FNIP2: variants seen among roughly 807,000 people sequenced by gnomAD.
The protein encoded by FNIP2 is folliculin interacting protein 2.
FNIP2 carries 32 observed loss-of-function variants against 108.7 expected under a neutral mutation model. The observed-to-expected ratio is 0.29, with a 90% CI of 0.22 to 0.40. The LOEUF (loss-of-function observed/expected upper bound fraction) is 0.40. Ranked by LOEUF, FNIP2 falls within the 10% of genes least tolerant of loss-of-function variation. The pLI is 1.00. For synonymous variants in FNIP2, 480 were observed against 496.7 expected (o/e 0.97, Z 0.45); for missense variants, 1,202 against 1,381.6 (o/e 0.87, Z 2.06).
intron 7 of FNIP2, among the ~76,000 whole-genome samples, chr4:158,841,880 G>A (rs758256495): frequency 6.6e-6 from 1 of 152,240 alleles, no homozygotes; most frequent in Non-Finnish European, 1.5e-5. Context: ...TGTTGGTGTT[G>A]TCCTTTTTGA....
chr4:158,902,387 T>G (rs1053343394), intron 16 of FNIP2, among the ~76,000 whole-genome samples: 2 of 152,142 alleles, frequency 1.3e-5, no homozygotes, highest in African/African-American at 4.8e-5. Flanking sequence ...CCCACCAGAT[T>G]CCAGCCAGAG....
At chr4:158,828,361 A>G (rs1778272200) in intron 2 of FNIP2, among the ~76,000 whole-genome samples, 1 of 152,194 alleles carries the variant, frequency 6.6e-6, no homozygotes, top group Admixed American at 6.5e-5. Flanking sequence ...TCACGCCTGT[A>G]ATCCAGCACT....
At chr4:158,805,228 A>T (rs954114712) in intron 1 of FNIP2, among the ~76,000 whole-genome samples, 2 of 152,208 alleles carry the variant, frequency 1.3e-5, no homozygotes, top group Non-Finnish European at 2.9e-5. Flanking sequence ...TGTTTTCTTC[A>T]CCAAATTCCA....
intron 14 of FNIP2, chr4:158,872,705 T>G (rs1320348880): frequency 3.2e-5 from 32 of 985,094 alleles, no homozygotes; most frequent in Non-Finnish European, 3.7e-5. Flanking sequence ...TAGTGTTCTG[T>G]TTAAACTGGC....
At chr4:158,902,864 C>G (rs1368142739) in intron 16 of FNIP2, among the ~76,000 whole-genome samples, 3 of 152,164 alleles carry the variant, frequency 2.0e-5, no homozygotes, top group African/African-American at 7.2e-5. Context: ...CCAGGTCGAC[C>G]TCAGACTGCT....
chr4:158,877,087 C>T (rs1487952213), intron 14 of FNIP2, among the ~76,000 whole-genome samples: 1 of 152,184 alleles, frequency 6.6e-6, no homozygotes, highest in Non-Finnish European at 1.5e-5. Context: ...TTTGGAGTTC[C>T]ATATCTCATC....
At chr4:158,850,488 T>C (rs76533676) in intron 7 of FNIP2, among the ~76,000 whole-genome samples, 475 of 151,596 alleles carry the variant, frequency 3.1e-3, no homozygotes, top group African/African-American at 0.01. Context: ...CACTGTCAGC[T>C]CATACTTCCT....
intron 1 of FNIP2, among the ~76,000 whole-genome samples, chr4:158,817,950 C>T (rs1013301544): frequency 3.3e-5 from 5 of 152,234 alleles, no homozygotes; most frequent in East Asian, 1.9e-4. Flanking sequence ...TCTGACATCC[C>T]GTGCAGTGCT....
intron 14 of FNIP2, chr4:158,872,357 T>C (rs1470602620): frequency 1.0e-6 from 1 of 985,344 alleles, no homozygotes; most frequent in Admixed American, 6.1e-5. Flanking sequence ...ATTCTTTTAT[T>C]TGAAAAAACA....
intron 1 of FNIP2, among the ~76,000 whole-genome samples, chr4:158,818,137 A>G (rs561200815): frequency 6.6e-6 from 1 of 152,250 alleles, no homozygotes. Context: ...CCTTGTTCAT[A>G]GCACCCAAAC....
chr4:158,859,646 G>T lies in FNIP2; in HGVS notation c.1128G>T (p.Met376Ile). ...LRVQFYVSRL[M>I]EALGEFRGTI... is the part of the protein sequence containing the mutation. Reference sequence around the variant, plus strand: ...TCCAGTTTTATGTCAGCCGTTTGATGGAAGCTCTGGGAGAATTCAGGTAAA... The same window carrying T: ...TCCAGTTTTATGTCAGCCGTTTGATTGAAGCTCTGGGAGAATTCAGGTAAA... The change falls in exon 10 of 17, where the codon ATG (methionine) becomes ATT (isoleucine). Residue 376 changes from methionine (M) to isoleucine (I), a missense_variant. By Grantham distance (10) the Met-to-Ile change is conservative (BLOSUM62 1). Coordinates refer to ENST00000264433, the MANE Select transcript of FNIP2 (RefSeq NM_020840.3). 1 of 1,613,150 alleles carries T rather than the reference G, an allele frequency of 6.2e-7. No individual in the cohort carries two copies. The highest frequency in any genetic ancestry group is 1.1e-5 in the South Asian group (1 of 90,806).
intron 3 of FNIP2, 116 bp downstream of exon 3, chr4:158,829,341 T>TCTGTTGAATACTTG: frequency 1.2e-6 from 1 of 856,312 alleles, no homozygotes; most frequent in Non-Finnish European, 1.7e-6. Context: ...AGGACAAGTA[T>TCTGTTGAATACTTG]TCAACAGAGT....
chr4:158,879,324 T>A (rs1781456609), intron 14 of FNIP2, among the ~76,000 whole-genome samples: 1 of 150,318 alleles, frequency 6.7e-6, no homozygotes, highest in Admixed American at 6.6e-5. Flanking sequence ...AAGTCAGCAG[T>A]GAAAATAGTG....
chr4:158,811,539 T>G (rs895183847), intron 1 of FNIP2, among the ~76,000 whole-genome samples: 1 of 139,202 alleles, frequency 7.2e-6, no homozygotes, highest in Non-Finnish European at 1.6e-5. Context: ...TGTTTTTGTT[T>G]TTTAAATAAT....
chr4:158,811,326 C>T (rs1777255977), intron 1 of FNIP2, among the ~76,000 whole-genome samples: 1 of 152,154 alleles, frequency 6.6e-6, no homozygotes, highest in African/African-American at 2.4e-5. Context: ...TCATGCCTCA[C>T]CCTGTCCAAA....
chr4:158,865,709 C>T (rs561532159), intron 12 of FNIP2, among the ~76,000 whole-genome samples: 5 of 152,184 alleles, frequency 3.3e-5, no homozygotes, highest in South Asian at 2.1e-4. Context: ...TGATATCCTG[C>T]GGCAATAGGC....
chr4:158,895,711 G>C, intron 15 of FNIP2, 39 bp from the exon 16 acceptor site: 1 of 1,270,578 alleles, frequency 7.9e-7, no homozygotes, highest in Non-Finnish European at 1.1e-6. Flanking sequence ...GCAGAGATTT[G>C]ACTTCTAGCC....
intron 1 of FNIP2, among the ~76,000 whole-genome samples, chr4:158,810,404 G>A (rs1032497319): frequency 3.9e-5 from 6 of 152,096 alleles, no homozygotes; most frequent in Admixed American, 2.0e-4. Flanking sequence ...GTTCTTCTGC[G>A]CTTCCTGCAT....
At chr4:158,774,152 G>A (rs2126402391) in intron 1 of FNIP2, among the ~76,000 whole-genome samples, 1 of 152,262 alleles carries the variant, frequency 6.6e-6, no homozygotes, top group East Asian at 1.9e-4. Flanking sequence ...AAAAGTAAAA[G>A]CAAGTTATAA....
Sources: gnomAD v4.1 joint callset for allele counts (sites outside exome capture counted in the v4.1 genomes callset) on GRCh38, gnomAD v4.1.1 for gene constraint, MANE v1.5 for transcripts, NCBI Gene and HGNC (gene_info 2026-07-23, HGNC 2026-07-21) for gene names.